VTI1A: variants seen among roughly 807,000 people sequenced by gnomAD.
VTI1A encodes the protein vesicle transport through interaction with t-SNAREs 1A, also known as vesicle transport through interaction with t-SNAREs homolog 1A.
Under a neutral mutation model 34.9 loss-of-function variants are expected in VTI1A, and 22 were observed. That is an observed-to-expected ratio of 0.63 (90% CI 0.45 to 0.90). VTI1A has a LOEUF of 0.90. VTI1A is among the 40% of genes least tolerant of loss of function. The pLI is 0.00. For synonymous variants in VTI1A, 87 were observed against 97.3 expected (o/e 0.89, Z 0.62); for missense variants, 268 against 275.6 (o/e 0.97, Z 0.20).
chr10:112,829,479 G>C, the VTI1A span, among the ~76,000 whole-genome samples: 2 of 149,866 alleles, frequency 1.3e-5, no homozygotes, highest in African/African-American at 4.9e-5. Context: ...GGCTGGGCAC[G>C]GTGGCTCACG....
rs936618907 is a variant in VTI1A, at chr10:112,798,930, G to C, written c.561-16360G>C. Among the ~76,000 whole-genome samples, 5 of 152,180 alleles carry C rather than the reference G, an allele frequency of 3.3e-5. No individual in the cohort carries two copies. In the South Asian group the frequency reaches 1.0e-3, roughly 32 times the overall value. ...TCACCAGCTGGGCTTTTCCAGCCAC[G>C]TGCTGCAGACCATGCCAAGGTCAGG... On this transcript the variant is annotated intron_variant, in intron 7 of 7. Transcript: ENST00000393077.
intron 3 of VTI1A, among the ~76,000 whole-genome samples, chr10:112,505,943 T>C (rs1396593061): frequency 6.6e-6 from 1 of 152,198 alleles, no homozygotes; most frequent in Non-Finnish European, 1.5e-5. Context: ...CAGCTATCCA[T>C]AGTATAGTAT....
chr10:112,644,099 G>A (rs557415958), intron 5 of VTI1A, among the ~76,000 whole-genome samples: 1 of 152,290 alleles, frequency 6.6e-6, no homozygotes, highest in South Asian at 2.1e-4. Context: ...CAAAGTATGT[G>A]CATCACCCTC....
At chr10:112,792,928 T>C (rs1402937188) in intron 7 of VTI1A, among the ~76,000 whole-genome samples, 4 of 152,226 alleles carry the variant, frequency 2.6e-5, no homozygotes, top group African/African-American at 2.4e-5. Flanking sequence ...CAGTTGTTAA[T>C]TGGTGCTGTT....
At position 112,668,288 on chromosome 10, in the gene VTI1A, A is replaced by G; in HGVS notation, c.498A>G (p.Arg166=). Residue 166 remains arginine, a splice_region_variant and synonymous_variant, in exon 6 of 8, where the codon AGA becomes AGG. Transcript: ENST00000393077. The stretch of plus-strand genomic sequence containing the variant: ...AAAAGATACAGCGAGCACGTGAAAG[A>G]GTAAGTACAATTGATACAGTTTTTT... ...DREKIQRARE[R]LRETDANLGK... The G allele has an allele frequency of 6.2e-7, 1 of 1,612,080 alleles. No homozygotes were observed. The highest frequency in any genetic ancestry group is 8.5e-7 in the Non-Finnish European group (1 of 1,178,732).
chr10:112,474,069 T>C (rs1378895528), intron 3 of VTI1A, among the ~76,000 whole-genome samples: 1 of 149,330 alleles, frequency 6.7e-6, no homozygotes, highest in Non-Finnish European at 1.5e-5. Context: ...GACTATGACT[T>C]TTTTTTTTTT....
chr10:112,586,036 G>A (rs188903024), intron 5 of VTI1A, among the ~76,000 whole-genome samples: 33 of 151,796 alleles, frequency 2.2e-4, no homozygotes, highest in Admixed American at 2.0e-3. Flanking sequence ...TAATTACGTC[G>A]ATTGCTGAAA....
At chr10:112,460,485 G>A in intron 1 of VTI1A, 39 bp from the exon 2 acceptor site, 3 of 1,551,864 alleles carry the variant, frequency 1.9e-6, no homozygotes, top group Non-Finnish European at 2.6e-6. Context: ...AAATTTATTT[G>A]TATCTTTAGC....
At chr10:112,615,483 C>T (rs1393216061) in intron 5 of VTI1A, among the ~76,000 whole-genome samples, 1 of 152,104 alleles carries the variant, frequency 6.6e-6, no homozygotes, top group Non-Finnish European at 1.5e-5. Flanking sequence ...ATTTTTGAGG[C>T]CCTATTACGT....
At chr10:112,641,114 G>T (rs1364903689) in intron 5 of VTI1A, among the ~76,000 whole-genome samples, 1 of 150,978 alleles carries the variant, frequency 6.6e-6, no homozygotes, top group Non-Finnish European at 1.5e-5. Context: ...GGTGTAGTTG[G>T]GGGGCAGATA....
intron 5 of VTI1A, 37 bp from the exon 6 acceptor site, chr10:112,668,181 A>T: frequency 1.3e-5 from 21 of 1,587,988 alleles, no homozygotes; most frequent in Non-Finnish European, 1.6e-5. Context: ...TATGCACTCC[A>T]AGTCATTTTT....
chr10:112,632,931 C>G (rs1199361103), intron 5 of VTI1A, among the ~76,000 whole-genome samples: 1 of 152,116 alleles, frequency 6.6e-6, no homozygotes. Context: ...AGAAATACTT[C>G]TTATTTTGTT....
intron 7 of VTI1A, among the ~76,000 whole-genome samples, chr10:112,776,963 C>G (rs1262494230): frequency 2.0e-5 from 3 of 152,092 alleles, no homozygotes; most frequent in African/African-American, 7.2e-5. Flanking sequence ...CAGATGGGAG[C>G]CACTGCACCC....
chr10:112,552,514 T>G (rs1851395041), intron 5 of VTI1A, among the ~76,000 whole-genome samples: 1 of 152,136 alleles, frequency 6.6e-6, no homozygotes, highest in Admixed American at 6.5e-5. Flanking sequence ...CTCACTAGTG[T>G]TAGCATAAGA....
chr10:112,560,798 T>A (rs1356972760), intron 5 of VTI1A, among the ~76,000 whole-genome samples: 1 of 152,066 alleles, frequency 6.6e-6, no homozygotes, highest in African/African-American at 2.4e-5. Context: ...GGTTTCACCA[T>A]GTTGGCCAGG....
At chr10:112,705,496 C>G (rs532272698) in intron 7 of VTI1A, among the ~76,000 whole-genome samples, 2 of 152,188 alleles carry the variant, frequency 1.3e-5, no homozygotes, top group East Asian at 3.9e-4. Flanking sequence ...AAGGCACGCC[C>G]CTCTTCTCCC....
chr10:112,506,935 T>G (rs1849451597), intron 3 of VTI1A, among the ~76,000 whole-genome samples: 1 of 151,496 alleles, frequency 6.6e-6, no homozygotes, highest in African/African-American at 2.4e-5. Flanking sequence ...AAGCTGTATT[T>G]TTTTGGTTTT....
chr10:112,652,459 G>A (rs541390345), intron 5 of VTI1A, among the ~76,000 whole-genome samples: 3 of 152,278 alleles, frequency 2.0e-5, no homozygotes, highest in Non-Finnish European at 4.4e-5. Context: ...AGGGGCTCAC[G>A]CCTGTAATCC....
chr10:112,640,047 C>A (rs1428664271), intron 5 of VTI1A, among the ~76,000 whole-genome samples: 2 of 152,078 alleles, frequency 1.3e-5, no homozygotes. Flanking sequence ...GATTCAAGGG[C>A]CATTTGGAGT....
Sources: gnomAD v4.1 joint callset for allele counts (sites outside exome capture counted in the v4.1 genomes callset) on GRCh38, gnomAD v4.1.1 for gene constraint, MANE v1.5 for transcripts, NCBI Gene and HGNC (gene_info 2026-07-23, HGNC 2026-07-21) for gene names.